SHC1: variants seen among roughly 807,000 people sequenced by gnomAD.
The protein encoded by SHC1 is SHC adaptor protein 1.
In SHC1, 30 loss-of-function variants were observed where a neutral mutation model predicts 55.9. The ratio of observed to expected loss-of-function variants is 0.54; its 90% confidence interval spans 0.40 to 0.73. The LOEUF (loss-of-function observed/expected upper bound fraction) is 0.73, where lower values mean the gene tolerates loss of function less well. Among genes scored for constraint, SHC1 ranks in the 30% least tolerant of loss-of-function variants. The pLI is 0.00. For synonymous variants in SHC1, 309 were observed against 306.1 expected, an observed-to-expected ratio of 1.01 and a Z score of -0.10; for missense variants, 675 against 777.1, an observed-to-expected ratio of 0.87 and a Z score of 1.56.
rs1558056634 is a variant in SHC1 at position 154,967,745 on chromosome 1, G to T, written c.909C>A (p.Thr303=). 1 of 1,614,084 alleles carries T rather than the reference G, an allele frequency of 6.2e-7. No individual in the cohort carries two copies. ...PEGLAQDVIS[T]IGQAFELRFK... ...AGCGCAACTCGAAGGCCTGGCCAAT[G>T]GTGCTGATGACATCCTGGGCAAGCC... The change falls in exon 7 of 12, where the codon ACC becomes ACA. Residue 303 remains threonine (T), a synonymous_variant. Coordinates refer to ENST00000448116, the MANE Select transcript of SHC1 (RefSeq NM_001130040.2).
rs757951533 is a variant in SHC1 at position 154,965,971 on chromosome 1, A to G, written c.1362T>C (p.Ser454=). The stretch of plus-strand genomic sequence containing the variant: ...TCATGTCAAACAGGTCCCGGGGTGC[A>G]CTGCCATTGATAGCAGGATTGGGGG... ...AGPPNPAING[S]APRDLFDMKP... is the part of the protein sequence containing the mutation. The change falls in exon 10 of 12, where the codon AGT becomes AGC. Residue 454 remains serine (S), a synonymous_variant. Transcript: ENST00000448116. The G allele has an allele frequency of 1.2e-5, 20 of 1,613,546 alleles. No homozygotes were observed. The highest frequency in any genetic ancestry group is 3.3e-5 in the Admixed American group (2 of 59,940).
In SHC1 at chr1:154,962,321, A is replaced by C. The variant is rs891493541; in HGVS notation, c.*1482T>G. 1.3e-5 allele frequency: 2 copies of C among 152,808 alleles called. No individual in the cohort carries two copies. Among genetic ancestry groups the C allele is most frequent in the African/African-American group, 4.8e-5 (2 of 41,460 alleles). 9.5% of individuals were successfully genotyped at this position (152,808 alleles called of 1,614,324 possible). On this transcript the variant is annotated 3_prime_UTR_variant, in exon 12 of 12. Coordinates refer to ENST00000448116, the MANE Select transcript of SHC1 (RefSeq NM_001130040.2). ...GGTAGAAGAAATACGGACTTTAATG[A>C]AGAGTTTTCCCTTTGGTATAAGTGA...
intron 7 of SHC1, among the ~76,000 whole-genome samples, chr1:154,966,818 C>T (rs1656045839): frequency 6.6e-6 from 1 of 152,224 alleles, no homozygotes; most frequent in Admixed American, 6.5e-5. Flanking sequence ...AGCTCATCCC[C>T]TTGGCCAGGT....
rs1238388580 is a variant in SHC1 at position 154,962,479 on chromosome 1, C to G, written c.*1324G>C. 1.3e-5 allele frequency: 2 copies of G among 152,592 alleles called. No homozygotes were observed. The highest frequency in any genetic ancestry group is 2.9e-5 in the Non-Finnish European group (2 of 68,036). 9.5% of individuals were successfully genotyped at this position (152,592 alleles called of 1,614,324 possible). A position where few individuals can be genotyped will look rare whatever the true frequency, so the allele number is the denominator to read the frequency against. ...ACCCCGGGCCTAGGCTGGGCCGGGCCTGTAGAAGGTACTCAGGAACTGCAG... is the reference window on the plus strand; with the variant it reads ...ACCCCGGGCCTAGGCTGGGCCGGGCGTGTAGAAGGTACTCAGGAACTGCAG... On this transcript the variant is annotated 3_prime_UTR_variant, in exon 12 of 12. Coordinates refer to ENST00000448116, the MANE Select transcript of SHC1 (RefSeq NM_001130040.2).
At chr1:154,972,877 G>A (rs1022007899), upstream of SHC1, among the ~76,000 whole-genome samples, 4 of 151,750 alleles carry the variant, frequency 2.6e-5, no homozygotes, top group African/African-American at 9.7e-5. Context: ...GTTAGGGGGA[G>A]GGGAAGAGAC....
chr1:154,964,963 AC>A (rs1407277152), intron 11 of SHC1, among the ~76,000 whole-genome samples: 1 of 152,228 alleles, frequency 6.6e-6, no homozygotes, highest in Non-Finnish European at 1.5e-5. Context: ...AAAGAGGGGC[AC>A]AGATGAGATG....
At chr1:154,964,173 G>T in intron 11 of SHC1, 1 of 638,944 alleles carries the variant, frequency 1.6e-6, no homozygotes, top group Non-Finnish European at 3.0e-6. Flanking sequence ...GAGTGAAGCT[G>T]AGAGCTATAT....
In SHC1 at chr1:154,965,873, G is replaced by A. The variant is rs965288939; in HGVS notation, c.1387+73C>T. 1.9e-6 allele frequency: 3 copies of A among 1,575,944 alleles called. No individual in the cohort carries two copies. The Admixed American group carries it at 5.2e-5, about 27-fold the overall frequency. ...GGGAAGGGAAGTCAGGAAGGAAAGAGCAGATAGGCAGGAGAAGGGCCAGAA... is the reference window on the plus strand; with the variant it reads ...GGGAAGGGAAGTCAGGAAGGAAAGAACAGATAGGCAGGAGAAGGGCCAGAA... On this transcript the variant is annotated intron_variant, in intron 10 of 11. Transcript: ENST00000448116.
At position 154,965,754 on chromosome 1, in the gene SHC1, G is replaced by A. The variant is rs1036504264; in HGVS notation, c.1415C>T (p.Pro472Leu). ...MKPFEDALRV[P>L]PPPQSVSMAE... Reference sequence around the variant, plus strand: ...CATGGACACCGACTGGGGAGGTGGAGGCACGCGAAGAGCATCTTCGAAGGG... The same window carrying A: ...CATGGACACCGACTGGGGAGGTGGAAGCACGCGAAGAGCATCTTCGAAGGG... Residue 472 changes from proline (P) to leucine (L), a missense_variant, in exon 11 of 12, where the codon CCT (proline) becomes CTT (leucine). Pro to Leu is a moderately conservative substitution (Grantham distance 98, BLOSUM62 -3). Around this residue, in one of 3 missense-constraint regions of SHC1, gnomAD observed 360 missense variants for 371.1 expected, o/e 0.97. Transcript: ENST00000448116. The A allele has an allele frequency of 1.9e-6, 3 of 1,613,646 alleles. No individual in the cohort carries two copies. The highest frequency in any genetic ancestry group is 1.7e-6 in the Non-Finnish European group (2 of 1,179,718).
At chr1:154,972,936 C>G (rs1656883306), upstream of SHC1, among the ~76,000 whole-genome samples, 1 of 151,706 alleles carries the variant, frequency 6.6e-6, no homozygotes, top group Non-Finnish European at 1.5e-5. Flanking sequence ...AATCAAACAA[C>G]AAAAAGAGCA....
rs1412441310 is a variant in SHC1 at position 154,965,549 on chromosome 1, C to T, written c.1620G>A (p.Glu540=). ...QPKHLLLVDP[E]GVVRTKDHRF... ...ACACCTCTGCCACACTCACCACACC[C>T]TCAGGGTCCACCAGTAGCAAATGCT... The change falls in exon 11 of 12, where the codon GAG becomes GAA. Residue 540 remains glutamate (E), a synonymous_variant. Coordinates refer to ENST00000448116, the MANE Select transcript of SHC1 (RefSeq NM_001130040.2). 5.0e-6 allele frequency: 8 copies of T among 1,614,206 alleles called. No homozygotes were observed. The highest frequency in any genetic ancestry group is 6.8e-6 in the Non-Finnish European group (8 of 1,180,034).
chr1:154,964,846 T>G (rs1170558861), intron 11 of SHC1, among the ~76,000 whole-genome samples: 2 of 152,196 alleles, frequency 1.3e-5, no homozygotes, highest in Non-Finnish European at 2.9e-5. Context: ...TCTGGGGAGC[T>G]GGAGAAGCCC....
At chr1:154,968,658 C>T in intron 3 of SHC1, 44 bp from the exon 4 acceptor site, 1 of 1,613,060 alleles carries the variant, frequency 6.2e-7, no homozygotes, top group Non-Finnish European at 8.5e-7. Context: ...GTTCCCAGCA[C>T]AGGCAAACCA....
In SHC1 at chr1:154,970,308, C is replaced by T. The variant is rs753292690; in HGVS notation, c.219G>A (p.Pro73=). Residue 73 remains proline (P), a synonymous_variant, in exon 1 of 12, where the codon CCG becomes CCA. Coordinates refer to ENST00000448116, the MANE Select transcript of SHC1 (RefSeq NM_001130040.2). The surrounding 1 kb of genome is among the most constrained non-coding windows in gnomAD (Gnocchi z 5.5). ...PRMSNLRLAN[P]AGGRPGSKGE... ...CCTTAGACCCTGGGCGCCCCCCAGC[C>T]GGGTTGGCCAGCCTCAGGTTGCTCA... 3.1e-6 allele frequency: 5 copies of T among 1,604,692 alleles called. No homozygotes were observed. The highest frequency in any genetic ancestry group is 2.6e-6 in the Non-Finnish European group (3 of 1,174,560).
Position 154,966,020 on chromosome 1 carries a change from C to T in SHC1, c.1313G>A (p.Arg438Gln), listed in dbSNP as rs376945597. The change falls in exon 10 of 12, where the codon CGG becomes CAG. Residue 438 changes from arginine (R) to glutamine (Q), a missense_variant. Coordinates refer to ENST00000448116, the MANE Select transcript of SHC1 (RefSeq NM_001130040.2). ...GGGCCCAGCACCACCCACTGCTTGCCGGGCCTTGTCTAGGTTCTGGACGTT... is the reference window on the plus strand; with the variant it reads ...GGGCCCAGCACCACCCACTGCTTGCTGGGCCTTGTCTAGGTTCTGGACGTT... ...YVNVQNLDKA[R>Q]QAVGGAGPPN... 1.1e-5 allele frequency: 18 copies of T among 1,614,066 alleles called. No individual in the cohort carries two copies. The highest frequency in any genetic ancestry group is 4.5e-5 in the East Asian group (2 of 44,872).
At chr1:154,966,704 C>T (rs985381275) in intron 7 of SHC1, among the ~76,000 whole-genome samples, 187 bp from the exon 8 acceptor site, 2 of 152,244 alleles carry the variant, frequency 1.3e-5, no homozygotes, top group Non-Finnish European at 2.9e-5. Flanking sequence ...TCCTTCCCCA[C>T]TTTTACAGAT....
chr1:154,968,095 T>A, intron 5 of SHC1, 64 bp from the exon 6 acceptor site: 2 of 1,595,942 alleles, frequency 1.3e-6, no homozygotes, highest in Non-Finnish European at 1.7e-6. Context: ...AACCCAGTCC[T>A]TTTCAGATAT....
chr1:154,968,491 C>T lies in SHC1; in HGVS notation c.750+4G>A. On this transcript the variant is annotated splice_donor_region_variant and intron_variant, in intron 4 of 11. Transcript: ENST00000448116. ...TTCTGGTCCGTCTGCCCACCTTCAC[C>T]AACCTGTTTGCAGTCTGCGGCCATG... 1.9e-6 allele frequency: 3 copies of T among 1,614,062 alleles called. No individual in the cohort carries two copies. Among genetic ancestry groups the T allele is most frequent in the East Asian group, 2.2e-5 (1 of 44,886 alleles).
chr1:154,970,192 T>C lies in SHC1; in HGVS notation c.335A>G (p.Asn112Ser). 6.2e-7 allele frequency: 1 copy of C among 1,613,744 alleles called. No homozygotes were observed. The highest frequency in any genetic ancestry group is 8.5e-7 in the Non-Finnish European group (1 of 1,179,936). Residue 112 changes from asparagine to serine, a missense_variant, in exon 1 of 12, where the codon AAC (asparagine) becomes AGC (serine). Transcript: ENST00000448116. This position sits in a 1 kb window ranked among gnomAD's most constrained non-coding sequence, Gnocchi z 5.5. Reference protein sequence around the residue: ...SGPLPLLQDMNKLSGGGGRRT... With the variant: ...SGPLPLLQDMSKLSGGGGRRT... ...GCGCCCGCCGCCTCCACTCAGCTTG[T>C]TCATGTCCTGGAGGAGGGGTAGGGG...
Sources: allele counts gnomAD v4.1 joint callset (sites outside exome capture counted in the v4.1 genomes callset), GRCh38; gene constraint gnomAD v4.1.1; regional missense constraint gnomAD v4.1.1; non-coding constraint Gnocchi (gnomAD v3.1); transcripts MANE v1.5; gene names NCBI Gene and HGNC (gene_info 2026-07-23, HGNC 2026-07-21).